Variants in FBXW4 observed in about 807,000 individuals in gnomAD.
FBXW4 encodes the protein F-box and WD repeat domain containing 4, also known as F-box/WD repeat-containing protein 4.
In FBXW4, 40 loss-of-function variants were observed where a neutral mutation model predicts 61.8. That is an observed-to-expected ratio of 0.65 (90% CI 0.50 to 0.84). FBXW4 has a LOEUF of 0.84. Among genes scored for constraint, FBXW4 ranks in the 40% least tolerant of loss-of-function variants. The pLI is 0.00. For missense variants in FBXW4, 672 were observed against 753.8 expected (o/e 0.89, Z 1.27); for synonymous variants, 311 against 313.8 (o/e 0.99, Z 0.10).
At chr10:101,632,487 T>C (rs868330085) in intron 5 of FBXW4, among the ~76,000 whole-genome samples, 96 of 152,250 alleles carry the variant, frequency 6.3e-4, no homozygotes, top group African/African-American at 2.2e-3. Flanking sequence ...TAACCAAGGA[T>C]AGGAGAGCCT....
intron 4 of FBXW4, 92 bp downstream of exon 4, chr10:101,672,823 T>C: frequency 6.8e-7 from 1 of 1,471,716 alleles, no homozygotes. Flanking sequence ...CCCCAGACGA[T>C]ACTCTCAGCC....
chr10:101,632,558 T>C (rs992038781), intron 5 of FBXW4, among the ~76,000 whole-genome samples: 2 of 152,072 alleles, frequency 1.3e-5, no homozygotes, highest in East Asian at 3.9e-4. Context: ...CAGAAACTTA[T>C]AAACTTGAGC....
intron 6 of FBXW4, among the ~76,000 whole-genome samples, chr10:101,621,034 C>A (rs1385420920): frequency 2.0e-5 from 3 of 152,188 alleles, no homozygotes; most frequent in South Asian, 4.1e-4. Context: ...GCCCGCCACC[C>A]GGCTTGTGTG....
chr10:101,674,517 T>C (rs2064389539), intron 2 of FBXW4, among the ~76,000 whole-genome samples: 1 of 152,156 alleles, frequency 6.6e-6, no homozygotes, highest in Admixed American at 6.5e-5. Flanking sequence ...GAAGCCCCAT[T>C]CCCTTATTCT....
At chr10:101,679,266 A>G (rs1321569014) in intron 1 of FBXW4, among the ~76,000 whole-genome samples, 1 of 152,228 alleles carries the variant, frequency 6.6e-6, no homozygotes, top group Non-Finnish European at 1.5e-5. Flanking sequence ...TCATTATTCC[A>G]ATTGTAATTT....
At chr10:101,658,857 C>A in intron 5 of FBXW4, among the ~76,000 whole-genome samples, 1 of 151,978 alleles carries the variant, frequency 6.6e-6, no homozygotes, top group East Asian at 1.9e-4. Context: ...TCATGAAGAT[C>A]CCTCTTTTGA....
Position 101,694,679 on chromosome 10 carries a change from C to G in FBXW4, c.427G>C (p.Gly143Arg), listed in dbSNP as rs2064657048. Residue 143 changes from glycine (G) to arginine (R), a missense_variant, in exon 1 of 9, where the codon GGT becomes CGT. By Grantham distance (125) the Gly-to-Arg change is moderately radical. This residue lies in a region of FBXW4 where 311 missense variants were observed against 301.1 expected (regional missense o/e 1.03). Coordinates refer to ENST00000331272, the MANE Select transcript of FBXW4 (RefSeq NM_022039.4). The surrounding 1 kb of genome is among the most constrained non-coding windows in gnomAD (Gnocchi z 6.0). The stretch of plus-strand genomic sequence containing the variant: ...CCCGCGATGTCGGCCCAAGCCTGAC[C>G]CCCTCGTCCCTGTGCTCTTCCCGGC... Reference protein sequence around the residue: ...ARPGRAQGRGGQAWADIAGTG... With the variant: ...ARPGRAQGRGRQAWADIAGTG... The G allele has an allele frequency of 7.2e-7, 1 of 1,393,326 alleles. No homozygotes were observed. 86.3% of individuals were successfully genotyped at this position (1,393,326 alleles called of 1,614,324 possible). A position where few individuals can be genotyped will look rare whatever the true frequency, so the allele number is the denominator to read the frequency against.
Position 101,673,601 on chromosome 10 carries a change from C to T in FBXW4, c.894G>A (p.Gln298=). The change falls in exon 3 of 9, where the codon CAG becomes CAA. Residue 298 remains glutamine (Q), a synonymous_variant. Transcript: ENST00000331272. ...ISQANFILAY[Q]FRPDGASLNR... The stretch of plus-strand genomic sequence containing the variant: ...TCAAGCTGGCACCATCTGGACGGAA[C>T]TGGTAGGCCAGGATGAAATTAGCCT... 2.5e-6 allele frequency: 4 copies of T among 1,614,064 alleles called. No homozygotes were observed. The highest frequency in any genetic ancestry group is 2.5e-6 in the Non-Finnish European group (3 of 1,179,922).
At chr10:101,617,443 T>C (rs1387498383) in intron 6 of FBXW4, among the ~76,000 whole-genome samples, 1 of 152,094 alleles carries the variant, frequency 6.6e-6, no homozygotes, top group African/African-American at 2.4e-5. Context: ...GTGGAGGTAG[T>C]GAGAGAATCA....
At position 101,694,733 on chromosome 10, in the gene FBXW4, C is replaced by G; in HGVS notation, c.373G>C (p.Val125Leu). The G allele has an allele frequency of 7.3e-7, 1 of 1,368,862 alleles. No homozygotes were observed. Among genetic ancestry groups the G allele is most frequent in the African/African-American group, 1.5e-5 (1 of 65,146 alleles). The allele number at this position is 1,368,862 out of a possible 1,614,324, so 84.8% of individuals were successfully genotyped here. The stretch of plus-strand genomic sequence containing the variant: ...GCGCCCTCCCGCCGCCTAGCCCTGA[C>G]CCTCCATTCCTCCTTCTTCCCATAC... ...REYGKKEEWRVRARRREGARP... is the reference protein window; with the variant it reads ...REYGKKEEWRLRARRREGARP... The change falls in exon 1 of 9, where the codon GTC (valine) becomes CTC (leucine). Residue 125 changes from valine (V) to leucine (L), a missense_variant. By Grantham distance (32) the Val-to-Leu change is conservative. This residue lies in a region of FBXW4 where 311 missense variants were observed against 301.1 expected (regional missense o/e 1.03). Coordinates refer to ENST00000331272, the MANE Select transcript of FBXW4 (RefSeq NM_022039.4). The surrounding 1 kb of genome is among the most constrained non-coding windows in gnomAD (Gnocchi z 6.0).
At chr10:101,653,231 C>T (rs2064158739) in intron 5 of FBXW4, among the ~76,000 whole-genome samples, 1 of 152,190 alleles carries the variant, frequency 6.6e-6, no homozygotes, top group African/African-American at 2.4e-5. Flanking sequence ...CCCTACGAGT[C>T]TGGTCCCTTC....
At chr10:101,667,225 C>T (rs548450111) in intron 5 of FBXW4, among the ~76,000 whole-genome samples, 5 of 136,426 alleles carry the variant, frequency 3.7e-5, no homozygotes, top group Non-Finnish European at 6.2e-5. Flanking sequence ...AGCGAGACTC[C>T]GTCTCAAAAA....
chr10:101,646,975 G>A (rs2064105123), intron 5 of FBXW4, among the ~76,000 whole-genome samples: 1 of 152,166 alleles, frequency 6.6e-6, no homozygotes, highest in African/African-American at 2.4e-5. Context: ...CTGGCGGGGT[G>A]GGTGGTGGTG....
intron 5 of FBXW4, among the ~76,000 whole-genome samples, chr10:101,660,550 G>GA (rs1564918125): frequency 6.6e-6 from 1 of 151,568 alleles, no homozygotes; most frequent in South Asian, 2.1e-4. Context: ...TTTAAAGACA[G>GA]AAAAAAAAGA....
At chr10:101,640,793 G>A (rs1318663324) in intron 5 of FBXW4, among the ~76,000 whole-genome samples, 2 of 151,004 alleles carry the variant, frequency 1.3e-5, no homozygotes, top group Non-Finnish European at 2.9e-5. Context: ...TGGGATTACA[G>A]GTATGAGCCA....
intron 2 of FBXW4, among the ~76,000 whole-genome samples, chr10:101,675,250 T>C (rs2064396565): frequency 6.6e-6 from 1 of 152,150 alleles, no homozygotes; most frequent in African/African-American, 2.4e-5. Context: ...TCCCCTTGCG[T>C]GAGTGTGTGG....
At chr10:101,641,995 C>T (rs759364273) in intron 5 of FBXW4, among the ~76,000 whole-genome samples, 1 of 151,480 alleles carries the variant, frequency 6.6e-6, no homozygotes, top group Non-Finnish European at 1.5e-5. Flanking sequence ...GGTGAAACCC[C>T]GTCTCTACTA....
At chr10:101,647,710 T>C (rs917248109) in intron 5 of FBXW4, among the ~76,000 whole-genome samples, 1 of 152,208 alleles carries the variant, frequency 6.6e-6, no homozygotes, top group Non-Finnish European at 1.5e-5. Context: ...TTCAGAAGAA[T>C]GATAAGAAAG....
intron 1 of FBXW4, among the ~76,000 whole-genome samples, chr10:101,693,949 A>G (rs1340551801): frequency 6.6e-6 from 1 of 152,162 alleles, no homozygotes; most frequent in Non-Finnish European, 1.5e-5. Context: ...ATGAAAGATG[A>G]AAGTCCACAA....
Sources: allele counts gnomAD v4.1 joint callset (sites outside exome capture counted in the v4.1 genomes callset), GRCh38; gene constraint gnomAD v4.1.1; regional missense constraint gnomAD v4.1.1; non-coding constraint Gnocchi (gnomAD v3.1); transcripts MANE v1.5; gene names NCBI Gene and HGNC (gene_info 2026-07-23, HGNC 2026-07-21).